The following TMTC2 variants were observed in gnomAD, a reference collection of about 807,000 sequenced individuals.
TMTC2 encodes transmembrane O-mannosyltransferase targeting cadherins 2, also known as protein O-mannosyl-transferase TMTC2.
A neutral mutation model predicts 82.4 loss-of-function variants in TMTC2; 43 were observed. The observed-to-expected ratio is 0.52, with a 90% CI of 0.41 to 0.67. The LOEUF is 0.67. Ranked by LOEUF, TMTC2 falls within the 30% of genes least tolerant of loss-of-function variation. The probability of loss-of-function intolerance (pLI) is 0.00; values close to 1 mark genes in which losing one functional copy is unlikely to be tolerated. For missense variants in TMTC2, 919 were observed against 1,012.4 expected (o/e 0.91, Z 1.25); for synonymous variants, 408 against 381.9 (o/e 1.07, Z -0.80).
At chr12:83,042,416 C>T (rs1438425077) in intron 9 of TMTC2, among the ~76,000 whole-genome samples, 4 of 152,316 alleles carry the variant, frequency 2.6e-5, no homozygotes, top group African/African-American at 9.6e-5. Flanking sequence ...CGTCTAGTTG[C>T]ATCCTTCTCT....
chr12:82,747,304 T>A (rs1592896504), intron 1 of TMTC2, among the ~76,000 whole-genome samples: 1 of 152,240 alleles, frequency 6.6e-6, no homozygotes, highest in Admixed American at 6.5e-5. Context: ...AATATCTTCA[T>A]TTTATACATG....
intron 1 of TMTC2, among the ~76,000 whole-genome samples, chr12:82,736,029 T>A (rs1233181540): frequency 1.3e-5 from 2 of 151,892 alleles, no homozygotes; most frequent in Non-Finnish European, 2.9e-5. Flanking sequence ...GAGTTTTAAA[T>A]TTTGCTCCGG....
At chr12:82,877,682 T>G in intron 2 of TMTC2, among the ~76,000 whole-genome samples, 1 of 152,166 alleles carries the variant, frequency 6.6e-6, no homozygotes, top group East Asian at 1.9e-4. Context: ...AAAAAGTGAC[T>G]TAAGGATAAG....
At chr12:83,121,385 G>T (rs1884942884) in intron 11 of TMTC2, among the ~76,000 whole-genome samples, 1 of 152,102 alleles carries the variant, frequency 6.6e-6, no homozygotes, top group Non-Finnish European at 1.5e-5. Context: ...CTATGGATGT[G>T]GCTTCCTGTG....
intron 7 of TMTC2, among the ~76,000 whole-genome samples, chr12:82,969,680 G>T (rs1878365597): frequency 6.6e-6 from 1 of 152,042 alleles, no homozygotes; most frequent in African/African-American, 2.4e-5. Context: ...TAACAAGTTT[G>T]ATTAATTCCC....
intron 1 of TMTC2, among the ~76,000 whole-genome samples, chr12:82,826,377 C>G (rs1038660505): frequency 2.0e-5 from 3 of 152,144 alleles, no homozygotes; most frequent in African/African-American, 7.2e-5. Context: ...AATGGCTTCA[C>G]TATATGTGTA....
At chr12:82,948,340 G>A (rs1877143353) in intron 4 of TMTC2, among the ~76,000 whole-genome samples, 1 of 150,116 alleles carries the variant, frequency 6.7e-6, no homozygotes, top group Non-Finnish European at 1.5e-5. Context: ...ACTCCAGCCT[G>A]GACAACAGAG....
chr12:83,055,272 T>C (rs1000430329), intron 10 of TMTC2, among the ~76,000 whole-genome samples: 5 of 152,046 alleles, frequency 3.3e-5, no homozygotes, highest in African/African-American at 4.8e-5. Context: ...GCTTCTGCCT[T>C]GCTTGAGAAT....
At chr12:82,870,691 A>C (rs1197780857) in intron 2 of TMTC2, among the ~76,000 whole-genome samples, 1 of 152,204 alleles carries the variant, frequency 6.6e-6, no homozygotes, top group Non-Finnish European at 1.5e-5. Flanking sequence ...CTAGAGTCTT[A>C]AAGTTTCTTT....
chr12:83,007,373 GTTC>G (rs1346888142), intron 8 of TMTC2, among the ~76,000 whole-genome samples: 4 of 151,672 alleles, frequency 2.6e-5, no homozygotes, highest in Non-Finnish European at 4.4e-5. Context: ...ATTGTATTTC[GTTC>G]TTCTTACGTT....
intron 4 of TMTC2, among the ~76,000 whole-genome samples, chr12:82,937,734 G>GTA (rs1876401548): frequency 1.6e-4 from 4 of 24,250 alleles, no homozygotes; most frequent in African/African-American, 5.1e-4. Context: ...GTGTGGATGT[G>GTA]TGTGTGTGTG....
intron 1 of TMTC2, among the ~76,000 whole-genome samples, chr12:82,767,018 A>G (rs1172130099): frequency 6.6e-6 from 1 of 152,034 alleles, no homozygotes; most frequent in Admixed American, 6.6e-5. Context: ...TTGGATTGAC[A>G]ATAGCTTTTT....
intron 8 of TMTC2, among the ~76,000 whole-genome samples, chr12:83,003,994 T>C (rs1880037393): frequency 6.6e-6 from 1 of 152,204 alleles, no homozygotes; most frequent in South Asian, 2.1e-4. Context: ...TCCTTCTCTC[T>C]CAGGAATGCC....
intron 1 of TMTC2, among the ~76,000 whole-genome samples, chr12:82,723,915 G>T (rs1874323561): frequency 6.6e-6 from 1 of 152,150 alleles, no homozygotes. Context: ...GCCCCACTTT[G>T]TCAAAAGAAC....
chr12:82,689,422 A>G lies in TMTC2; in HGVS notation c.83+1753A>G, dbSNP rs985830681. On this transcript the variant is annotated intron_variant, in intron 1 of 11. Transcript: ENST00000321196. The stretch of plus-strand genomic sequence containing the variant: ...GGCAGTTTGAATAGTAAGCATTTAA[A>G]CCAAGAATATAGAGTTTATTTAAAA... Among the ~76,000 whole-genome samples, 3 of 152,220 alleles carry G rather than the reference A, an allele frequency of 2.0e-5. No homozygotes were observed. The South Asian group carries it at 6.2e-4, about 32-fold the overall frequency.
At chr12:82,688,120 T>A (rs1056599378) in intron 1 of TMTC2, among the ~76,000 whole-genome samples, 10 of 152,346 alleles carry the variant, frequency 6.6e-5, no homozygotes, top group Admixed American at 6.5e-4. Context: ...TTCCCGAAGT[T>A]AAAACACACG....
chr12:82,841,856 A>C (rs989051095), intron 1 of TMTC2, among the ~76,000 whole-genome samples: 1 of 152,206 alleles, frequency 6.6e-6, no homozygotes, highest in Non-Finnish European at 1.5e-5. Flanking sequence ...GACAAGTAAC[A>C]CCTTCTTTTG....
chr12:82,893,573 G>T (rs74106172), intron 2 of TMTC2, among the ~76,000 whole-genome samples: 1,760 of 151,828 alleles, frequency 0.012, 42 homozygotes, highest in African/African-American at 0.04. Context: ...TAATTCCACC[G>T]CTTAAAATTG....
intron 1 of TMTC2, among the ~76,000 whole-genome samples, chr12:82,711,208 G>A (rs1873602757): frequency 6.6e-6 from 1 of 152,188 alleles, no homozygotes; most frequent in African/African-American, 2.4e-5. Context: ...TCAGTAGTTG[G>A]AAGCGTAGTA....
Sources: allele counts gnomAD v4.1 joint callset (sites outside exome capture counted in the v4.1 genomes callset), GRCh38; gene constraint gnomAD v4.1.1; transcripts MANE v1.5; gene names NCBI Gene and HGNC (gene_info 2026-07-23, HGNC 2026-07-21).